AGBL4: variants seen among roughly 807,000 people sequenced by gnomAD.
AGBL4 encodes the protein cytosolic carboxypeptidase 6.
In AGBL4, 58 loss-of-function variants were observed where a neutral mutation model predicts 66.4. The ratio of observed to expected loss-of-function variants is 0.87; its 90% CI spans 0.71 to 1.09. AGBL4 has a LOEUF of 1.09. AGBL4 is among the 50% of genes least tolerant of loss of function. The pLI is 0.00. For missense variants in AGBL4, 579 were observed against 631.0 expected (o/e 0.92, Z 0.88); for synonymous variants, 234 against 222.9 (o/e 1.05, Z -0.44).
chr1:49,089,061 T>C (rs574399959), intron 4 of AGBL4, among the ~76,000 whole-genome samples: 17 of 151,716 alleles, frequency 1.1e-4, no homozygotes, highest in Non-Finnish European at 2.5e-4. Context: ...TAATGAGTGC[T>C]AAGACACAAC....
intron 3 of AGBL4, among the ~76,000 whole-genome samples, chr1:49,268,648 T>C (rs771229317): frequency 6.6e-6 from 1 of 152,180 alleles, no homozygotes; most frequent in Non-Finnish European, 1.5e-5. Flanking sequence ...TTCTACCTGC[T>C]GCATGATTTC....
intron 1 of AGBL4, among the ~76,000 whole-genome samples, chr1:49,912,846 A>G (rs962134953): frequency 6.6e-6 from 1 of 152,246 alleles, no homozygotes; most frequent in African/African-American, 2.4e-5. Context: ...AGGGCAAGAG[A>G]ACATGTGAAA....
intron 3 of AGBL4, among the ~76,000 whole-genome samples, chr1:49,415,172 A>G (rs1022075469): frequency 3.3e-5 from 5 of 152,084 alleles, no homozygotes; most frequent in Non-Finnish European, 7.4e-5. Flanking sequence ...GATACATGTT[A>G]CATTATGTCA....
intron 3 of AGBL4, among the ~76,000 whole-genome samples, chr1:49,561,110 G>C (rs553529054): frequency 6.6e-6 from 1 of 152,038 alleles, no homozygotes; most frequent in South Asian, 2.1e-4. Flanking sequence ...ATAGCACAAA[G>C]ATTGAATGAT....
chr1:48,830,758 G>A (rs1317064296), intron 6 of AGBL4, among the ~76,000 whole-genome samples: 1 of 152,060 alleles, frequency 6.6e-6, no homozygotes, highest in African/African-American at 2.4e-5. Context: ...TTTGCTTTTG[G>A]GAATAGATCA....
Position 49,487,775 on chromosome 1 carries a change from G to T in AGBL4, c.282+209538C>A, listed in dbSNP as rs575276250. The stretch of plus-strand genomic sequence containing the variant: ...TTATTTTAAAAATGAAAAACCTATG[G>T]TCTAGAAAAGTAACTGTTTCAGTGG... On this transcript the variant is annotated intron_variant, in intron 3 of 13. Transcript: ENST00000371839. Among the ~76,000 whole-genome samples the T allele has an allele frequency of 5.2e-4, 79 of 151,850 alleles. 1 individual carries two copies. The highest frequency in any genetic ancestry group is 1.0e-3 in the Non-Finnish European group (68 of 67,894).
intron 3 of AGBL4, among the ~76,000 whole-genome samples, chr1:49,539,453 C>T (rs1183231895): frequency 1.3e-5 from 2 of 152,146 alleles, no homozygotes; most frequent in African/African-American, 4.8e-5. Flanking sequence ...ACACACACTT[C>T]AATCTCCTCT....
At chr1:48,669,446 C>A (rs1646241778) in intron 6 of AGBL4, among the ~76,000 whole-genome samples, 1 of 152,116 alleles carries the variant, frequency 6.6e-6, no homozygotes, top group Non-Finnish European at 1.5e-5. Flanking sequence ...CCTCTACATG[C>A]CAGTAACACC....
intron 1 of AGBL4, among the ~76,000 whole-genome samples, chr1:49,858,547 C>A (rs189860364): frequency 6.6e-6 from 1 of 151,764 alleles, no homozygotes; most frequent in Admixed American, 6.6e-5. Context: ...ATTGAAGGGA[C>A]CACGCAAACA....
chr1:48,642,321 C>T (rs1307307677), intron 8 of AGBL4, among the ~76,000 whole-genome samples: 1 of 152,168 alleles, frequency 6.6e-6, no homozygotes, highest in East Asian at 1.9e-4. Context: ...CAGATCACAT[C>T]TGGAAAAGAG....
chr1:49,017,290 C>T (rs1445191536), intron 5 of AGBL4, among the ~76,000 whole-genome samples: 1 of 152,150 alleles, frequency 6.6e-6, no homozygotes, highest in Non-Finnish European at 1.5e-5. Flanking sequence ...ATAGTAGACC[C>T]TGTGATCCCA....
chr1:49,450,120 T>C (rs1047879577), intron 3 of AGBL4, among the ~76,000 whole-genome samples: 50 of 152,124 alleles, frequency 3.3e-4, no homozygotes, highest in African/African-American at 1.1e-3. Flanking sequence ...TAAAAATGTT[T>C]CTTTATCTTG....
rs1369841375 is a variant in AGBL4, at chr1:49,550,189, C to G, written c.282+147124G>C. Among the ~76,000 whole-genome samples the G allele has an allele frequency of 3.3e-5, 5 of 152,128 alleles. No homozygotes were observed. The South Asian group carries it at 6.2e-4, about 19-fold the overall frequency. ...GAGTCCTTACATGTTAGGTGAGTCT[C>G]TTGAAGGCAGCAGATAGTTGATTGG... On this transcript the variant is annotated intron_variant, in intron 3 of 13. Transcript: ENST00000371839.
intron 1 of AGBL4, among the ~76,000 whole-genome samples, chr1:49,951,208 G>C (rs1656130265): frequency 6.6e-6 from 1 of 151,822 alleles, no homozygotes; most frequent in African/African-American, 2.4e-5. Flanking sequence ...ATTGCTAAGT[G>C]AGTAGATCTT....
intron 3 of AGBL4, among the ~76,000 whole-genome samples, chr1:49,674,439 T>G (rs1347547011): frequency 6.6e-6 from 1 of 151,458 alleles, no homozygotes; most frequent in African/African-American, 2.4e-5. Flanking sequence ...GCCCAGCCCA[T>G]GCTTGCTATT....
chr1:48,776,704 C>T (rs1174572950), intron 6 of AGBL4: 4 of 1,519,792 alleles, frequency 2.6e-6, no homozygotes, highest in African/African-American at 1.4e-5. Flanking sequence ...TTCCTCCGGG[C>T]CCCGGTACAC....
At chr1:49,902,114 G>T (rs1649820148) in intron 1 of AGBL4, among the ~76,000 whole-genome samples, 2 of 152,056 alleles carry the variant, frequency 1.3e-5, no homozygotes, top group South Asian at 4.1e-4. Context: ...ATACCATTCT[G>T]GACACAGAAC....
intron 3 of AGBL4, among the ~76,000 whole-genome samples, chr1:49,414,403 C>G (rs982305838): frequency 1.3e-5 from 2 of 152,074 alleles, no homozygotes; most frequent in Non-Finnish European, 2.9e-5. Flanking sequence ...ATAAATGGAC[C>G]ATACTCTAGT....
intron 4 of AGBL4, among the ~76,000 whole-genome samples, chr1:49,218,606 C>G (rs751209904): frequency 2.0e-5 from 3 of 152,110 alleles, no homozygotes; most frequent in Non-Finnish European, 4.4e-5. Context: ...TCACAACACC[C>G]TGTTAGCTCA....
Sources: gnomAD v4.1 joint callset for allele counts (sites outside exome capture counted in the v4.1 genomes callset) on GRCh38, gnomAD v4.1.1 for gene constraint, MANE v1.5 for transcripts, NCBI Gene and HGNC (gene_info 2026-07-23, HGNC 2026-07-21) for gene names.